The following RALGAPA2 variants were observed in gnomAD, a reference collection of about 807,000 sequenced individuals.
RALGAPA2 encodes ral GTPase-activating protein subunit alpha-2.
Under a neutral mutation model 230.4 loss-of-function variants are expected in RALGAPA2, and 139 were observed. The ratio of observed to expected loss-of-function variants is 0.60; its 90% CI spans 0.53 to 0.69. The LOEUF (loss-of-function observed/expected upper bound fraction) is 0.69, where lower values mean the gene tolerates loss of function less well. Among genes scored for constraint, RALGAPA2 ranks in the 30% least tolerant of loss-of-function variants. The pLI, the probability that RALGAPA2 is intolerant of heterozygous loss-of-function variation, is 0.00. For missense variants in RALGAPA2, 2,163 were observed against 2,276.0 expected (o/e 0.95, Z 1.01); for synonymous variants, 847 against 837.8 (o/e 1.01, Z -0.19).
At chr20:20,548,090 T>C (rs2063822363) in intron 23 of RALGAPA2, among the ~76,000 whole-genome samples, 2 of 151,944 alleles carry the variant, frequency 1.3e-5, no homozygotes, top group Non-Finnish European at 2.9e-5. Context: ...ATACAACCTA[T>C]TATAGTCTCA....
At chr20:20,444,844 T>A (rs1010479211) in intron 37 of RALGAPA2, among the ~76,000 whole-genome samples, 1 of 152,252 alleles carries the variant, frequency 6.6e-6, no homozygotes, top group Non-Finnish European at 1.5e-5. Flanking sequence ...AAATATTAAA[T>A]GGAAGATTCC....
chr20:20,578,575 A>G (rs896442180), intron 20 of RALGAPA2, among the ~76,000 whole-genome samples: 4 of 152,212 alleles, frequency 2.6e-5, no homozygotes, highest in African/African-American at 7.2e-5. Context: ...CAGCCACAAA[A>G]TAAGTCTTGG....
At chr20:20,451,136 G>C (rs917631629) in intron 37 of RALGAPA2, among the ~76,000 whole-genome samples, 1 of 152,178 alleles carries the variant, frequency 6.6e-6, no homozygotes, top group African/African-American at 2.4e-5. Context: ...CAATGGCAAA[G>C]AGCAAAATTA....
At chr20:20,674,864 G>A (rs915294537) in intron 3 of RALGAPA2, among the ~76,000 whole-genome samples, 3 of 152,186 alleles carry the variant, frequency 2.0e-5, no homozygotes, top group Admixed American at 2.0e-4. Flanking sequence ...ATGATAAAAT[G>A]CAGGGGAGTT....
chr20:20,461,694 T>C (rs931952179), intron 37 of RALGAPA2, among the ~76,000 whole-genome samples: 2 of 152,208 alleles, frequency 1.3e-5, no homozygotes, highest in African/African-American at 4.8e-5. Flanking sequence ...ACATACTAAT[T>C]TGCCTTTGAA....
chr20:20,536,893 C>T (rs1344205366), intron 24 of RALGAPA2, 109 bp from the exon 25 acceptor site: 14 of 1,260,136 alleles, frequency 1.1e-5, no homozygotes, highest in South Asian at 3.2e-5. Flanking sequence ...CAAACTTGGC[C>T]GAGTTATTCT....
At chr20:20,434,515 C>T (rs117107888) in intron 37 of RALGAPA2, among the ~76,000 whole-genome samples, 5,492 of 152,222 alleles carry the variant, frequency 0.036, 145 homozygotes, top group Non-Finnish European at 0.053. Context: ...CAGACGGAGG[C>T]CACCAGCATG....
chr20:20,528,258 T>C (rs776124010), intron 27 of RALGAPA2, among the ~76,000 whole-genome samples: 2 of 152,118 alleles, frequency 1.3e-5, no homozygotes, highest in Non-Finnish European at 2.9e-5. Context: ...CATATAGTCA[T>C]AGAACACCAA....
chr20:20,643,826 T>C (rs1046782501), intron 4 of RALGAPA2, among the ~76,000 whole-genome samples: 2 of 152,094 alleles, frequency 1.3e-5, no homozygotes, highest in African/African-American at 4.8e-5. Flanking sequence ...ATATCTCTTG[T>C]CATGCATAAA....
At chr20:20,461,789 G>A (rs1451171615) in intron 37 of RALGAPA2, among the ~76,000 whole-genome samples, 1 of 152,198 alleles carries the variant, frequency 6.6e-6, no homozygotes, top group Non-Finnish European at 1.5e-5. Flanking sequence ...CTTTGTGGAG[G>A]TATGAGACTT....
intron 37 of RALGAPA2, among the ~76,000 whole-genome samples, chr20:20,442,659 C>T (rs148052493): frequency 1.3e-5 from 2 of 152,210 alleles, no homozygotes; most frequent in Non-Finnish European, 2.9e-5. Context: ...TTACAATGTA[C>T]GGTTCCAGTA....
At position 20,566,062 on chromosome 20, in the gene RALGAPA2, T is replaced by C. The variant is rs995272185; in HGVS notation, c.3156+5396A>G. ...ACAAGGCTGTTCCAGCAGAGCCCACTGTCTGCTCATCTCAACAGTGATGGT... is the reference window on the plus strand; with the variant it reads ...ACAAGGCTGTTCCAGCAGAGCCCACCGTCTGCTCATCTCAACAGTGATGGT... On this transcript the variant is annotated intron_variant, in intron 23 of 39. Coordinates refer to ENST00000202677, the MANE Select transcript of RALGAPA2 (RefSeq NM_020343.4). Among the ~76,000 whole-genome samples the C allele has an allele frequency of 3.9e-5, 6 of 152,356 alleles. No homozygotes were observed. The South Asian group carries it at 1.2e-3, about 32-fold the overall frequency.
intron 1 of RALGAPA2, among the ~76,000 whole-genome samples, chr20:20,697,771 C>T (rs914350205): frequency 6.6e-6 from 1 of 152,022 alleles, no homozygotes; most frequent in Non-Finnish European, 1.5e-5. Flanking sequence ...GCAGAGTTGG[C>T]CTGAGAATGA....
chr20:20,698,071 A>C (rs2069187113), intron 1 of RALGAPA2, among the ~76,000 whole-genome samples: 1 of 152,068 alleles, frequency 6.6e-6, no homozygotes, highest in African/African-American at 2.4e-5. Context: ...AGAATAATTA[A>C]GAAAAGAAAA....
At chr20:20,577,378 G>A (rs2064853859) in intron 20 of RALGAPA2, among the ~76,000 whole-genome samples, 1 of 152,108 alleles carries the variant, frequency 6.6e-6, no homozygotes, top group Admixed American at 6.5e-5. Context: ...TAATAATGAT[G>A]GCACATGGTG....
At chr20:20,414,210 G>A (rs1415549393) in intron 37 of RALGAPA2, among the ~76,000 whole-genome samples, 5 of 152,150 alleles carry the variant, frequency 3.3e-5, no homozygotes, top group East Asian at 1.9e-4. Flanking sequence ...GCCGTGGCCC[G>A]CTGTCAACGC....
At chr20:20,668,497 T>C (rs2068030685) in intron 3 of RALGAPA2, among the ~76,000 whole-genome samples, 1 of 152,252 alleles carries the variant, frequency 6.6e-6, no homozygotes. Context: ...GTTCATTTTA[T>C]ATGTCCTTGT....
At chr20:20,462,901 T>A (rs889383434) in intron 37 of RALGAPA2, among the ~76,000 whole-genome samples, 4 of 152,230 alleles carry the variant, frequency 2.6e-5, no homozygotes, top group African/African-American at 9.6e-5. Flanking sequence ...AAATATTGCT[T>A]ATAATCCCAG....
intron 33 of RALGAPA2, among the ~76,000 whole-genome samples, chr20:20,509,820 A>C (rs1193696702): frequency 2.0e-5 from 3 of 152,210 alleles, no homozygotes; most frequent in Non-Finnish European, 2.9e-5. Flanking sequence ...CATAGCTGTG[A>C]GTAAGTTTAA....
Sources: allele counts gnomAD v4.1 joint callset (sites outside exome capture counted in the v4.1 genomes callset), GRCh38; gene constraint gnomAD v4.1.1; transcripts MANE v1.5; gene names NCBI Gene and HGNC (gene_info 2026-07-23, HGNC 2026-07-21).